The following SCFD2 variants were observed in gnomAD, a reference collection of about 807,000 sequenced individuals.
The protein encoded by SCFD2 is sec1 family domain containing 2.
Under a neutral mutation model 58.9 loss-of-function variants are expected in SCFD2, and 54 were observed. That is an observed-to-expected ratio of 0.92 (90% CI 0.74 to 1.15). The LOEUF (loss-of-function observed/expected upper bound fraction) is 1.15. SCFD2 is among the 50% of genes most tolerant of loss of function. The pLI, the probability that SCFD2 is intolerant of heterozygous loss-of-function variation, is 0.00. For missense variants in SCFD2, 805 were observed against 836.6 expected (o/e 0.96, Z 0.47); for synonymous variants, 321 against 335.9 (o/e 0.96, Z 0.49).
chr4:53,065,097 A>G (rs1017768999), intron 5 of SCFD2, among the ~76,000 whole-genome samples: 106 of 152,144 alleles, frequency 7.0e-4, no homozygotes, highest in African/African-American at 2.4e-3. Flanking sequence ...TAGACAGGAA[A>G]GAACTCCAGT....
intron 5 of SCFD2, among the ~76,000 whole-genome samples, chr4:52,992,238 G>A (rs1413069393): frequency 1.3e-5 from 2 of 152,246 alleles, no homozygotes; most frequent in East Asian, 1.9e-4. Context: ...TGTGTTGGCC[G>A]GGCTGGTCTC....
At chr4:53,351,067 A>G (rs569589127) in intron 2 of SCFD2, among the ~76,000 whole-genome samples, 1 of 152,284 alleles carries the variant, frequency 6.6e-6, no homozygotes, top group Admixed American at 6.5e-5. Flanking sequence ...TCTGTTACTT[A>G]ATGTCTCTTT....
chr4:53,021,618 G>C (rs570115905), intron 5 of SCFD2, among the ~76,000 whole-genome samples: 6 of 152,172 alleles, frequency 3.9e-5, no homozygotes, highest in African/African-American at 1.4e-4. Flanking sequence ...GGGCGCAGCG[G>C]CAAGTCAAGG....
intron 4 of SCFD2, among the ~76,000 whole-genome samples, chr4:53,146,787 ATAT>A (rs1726344389): frequency 6.6e-6 from 1 of 152,156 alleles, no homozygotes; most frequent in African/African-American, 2.4e-5. Context: ...TTAGTATAGT[ATAT>A]TATTATAACT....
intron 8 of SCFD2, among the ~76,000 whole-genome samples, chr4:52,877,891 C>T (rs1405292368): frequency 6.6e-6 from 1 of 152,208 alleles, no homozygotes; most frequent in Non-Finnish European, 1.5e-5. Context: ...CTGAATGCTG[C>T]CAGCACTCCA....
chr4:53,285,640 C>T (rs951232724), intron 3 of SCFD2, among the ~76,000 whole-genome samples: 2 of 151,966 alleles, frequency 1.3e-5, no homozygotes, highest in Admixed American at 6.6e-5. Flanking sequence ...AAGTACAGTA[C>T]AGCAAGGGAG....
intron 2 of SCFD2, among the ~76,000 whole-genome samples, chr4:53,328,805 G>C (rs1733307894): frequency 6.6e-6 from 1 of 152,224 alleles, no homozygotes; most frequent in African/African-American, 2.4e-5. Context: ...GCAGAAGACA[G>C]GTGATTTCTG....
chr4:53,052,428 G>A (rs980780734), intron 5 of SCFD2, among the ~76,000 whole-genome samples: 1 of 152,184 alleles, frequency 6.6e-6, no homozygotes, highest in African/African-American at 2.4e-5. Context: ...CCCAGTGACT[G>A]GCATCTAGTA....
intron 3 of SCFD2, among the ~76,000 whole-genome samples, chr4:53,300,016 A>G (rs1431309507): frequency 6.6e-6 from 1 of 152,194 alleles, no homozygotes; most frequent in Non-Finnish European, 1.5e-5. Context: ...AAAGACCATC[A>G]AAGCAAGGAA....
intron 1 of SCFD2, among the ~76,000 whole-genome samples, chr4:53,355,558 T>A (rs1377300365): frequency 3.3e-5 from 5 of 152,132 alleles, no homozygotes; most frequent in Non-Finnish European, 5.9e-5. Flanking sequence ...TCTACCTCAA[T>A]CCTCATACTC....
At chr4:53,249,440 C>G (rs960103080) in intron 4 of SCFD2, among the ~76,000 whole-genome samples, 1 of 152,156 alleles carries the variant, frequency 6.6e-6, no homozygotes, top group African/African-American at 2.4e-5. Flanking sequence ...CGTTCAGATT[C>G]AGAAAATACA....
chr4:53,044,827 T>TG (rs1722988780), intron 5 of SCFD2, among the ~76,000 whole-genome samples: 1 of 138,170 alleles, frequency 7.2e-6, no homozygotes, highest in Non-Finnish European at 1.5e-5. Flanking sequence ...AGAGTATTTC[T>TG]GTTTTTTTTT....
chr4:53,147,171 T>A (rs1041849297), intron 4 of SCFD2, among the ~76,000 whole-genome samples: 3 of 152,208 alleles, frequency 2.0e-5, no homozygotes, highest in Non-Finnish European at 4.4e-5. Context: ...TTTTTTTTAA[T>A]GCTCAAAGAA....
At chr4:53,067,450 G>C (rs1489344652) in intron 5 of SCFD2, among the ~76,000 whole-genome samples, 1 of 151,896 alleles carries the variant, frequency 6.6e-6, no homozygotes. Context: ...AATATGGTTC[G>C]GCTCTGTGTC....
chr4:53,268,617 CCA>C (rs1344356323), intron 4 of SCFD2, among the ~76,000 whole-genome samples: 3 of 152,060 alleles, frequency 2.0e-5, no homozygotes, highest in Admixed American at 6.6e-5. Flanking sequence ...GCTATAGGAG[CCA>C]CAGTGTGGGC....
At chr4:53,127,924 A>C (rs1383337338) in intron 5 of SCFD2, among the ~76,000 whole-genome samples, 1 of 149,154 alleles carries the variant, frequency 6.7e-6, no homozygotes, top group Non-Finnish European at 1.5e-5. Context: ...TACTCTGGAG[A>C]GTAATAACCC....
intron 4 of SCFD2, among the ~76,000 whole-genome samples, chr4:53,192,923 A>T (rs1727955943): frequency 6.6e-6 from 1 of 152,186 alleles, no homozygotes; most frequent in Non-Finnish European, 1.5e-5. Flanking sequence ...AGAAGGTTTG[A>T]TTATCTATAC....
intron 8 of SCFD2, among the ~76,000 whole-genome samples, chr4:52,876,470 C>A (rs992892278): frequency 6.6e-6 from 1 of 151,880 alleles, no homozygotes; most frequent in Non-Finnish European, 1.5e-5. Context: ...CTTTTTCGAA[C>A]TGGGTGCGGT....
At chr4:53,052,749 T>C (rs765971653) in intron 5 of SCFD2, among the ~76,000 whole-genome samples, 2 of 152,170 alleles carry the variant, frequency 1.3e-5, no homozygotes, top group East Asian at 1.9e-4. Flanking sequence ...GGTCAACAAT[T>C]GAAACAAAAT....
Sources: allele counts gnomAD v4.1 joint callset (sites outside exome capture counted in the v4.1 genomes callset), GRCh38; gene constraint gnomAD v4.1.1; transcripts MANE v1.5; gene names NCBI Gene and HGNC (gene_info 2026-07-23, HGNC 2026-07-21).